ALK: variants seen among roughly 807,000 people sequenced by gnomAD.
ALK encodes ALK tyrosine kinase receptor.
In ALK, 74 loss-of-function variants were observed where a neutral mutation model predicts 163.1. The ratio of observed to expected loss-of-function variants is 0.45; its 90% CI spans 0.38 to 0.55. The LOEUF (loss-of-function observed/expected upper bound fraction) is 0.55. Among genes scored for constraint, ALK ranks in the 20% least tolerant of loss-of-function variants. The pLI is 0.00. For synonymous variants in ALK, 960 were observed against 843.2 expected (o/e 1.14, Z -2.40); for missense variants, 2,063 against 2,105.3 (o/e 0.98, Z 0.39).
intron 11 of ALK, among the ~76,000 whole-genome samples, chr2:29,267,603 C>A (rs1170348314): frequency 6.6e-6 from 1 of 152,156 alleles, no homozygotes; most frequent in Non-Finnish European, 1.5e-5. Context: ...AAGGCAATTC[C>A]ACCTCTTGTT....
intron 4 of ALK, among the ~76,000 whole-genome samples, chr2:29,512,070 AT>A (rs1417206044): frequency 2.0e-5 from 3 of 152,118 alleles, no homozygotes; most frequent in Non-Finnish European, 4.4e-5. Context: ...ATAAATTCCT[AT>A]TGATCAATAT....
chr2:29,269,643 T>A (rs1265349472), intron 11 of ALK, among the ~76,000 whole-genome samples: 2 of 152,116 alleles, frequency 1.3e-5, no homozygotes, highest in African/African-American at 4.8e-5. Flanking sequence ...TTGCTATAAA[T>A]AGGTGATAAT....
At chr2:29,260,652 C>T (rs879438775) in intron 11 of ALK, among the ~76,000 whole-genome samples, 18 of 151,804 alleles carry the variant, frequency 1.2e-4, no homozygotes, top group South Asian at 4.2e-4. Context: ...GACTGGCCAA[C>T]GTGGTAAAAC....
chr2:29,721,323 C>G (rs567554060), intron 1 of ALK, among the ~76,000 whole-genome samples: 6 of 152,208 alleles, frequency 3.9e-5, no homozygotes, highest in Non-Finnish European at 7.4e-5. Flanking sequence ...TTACAATTAT[C>G]CTGGAGCAGG....
chr2:29,203,909 G>A (rs1669249786), intron 26 of ALK, among the ~76,000 whole-genome samples: 1 of 151,880 alleles, frequency 6.6e-6, no homozygotes, highest in African/African-American at 2.4e-5. Context: ...CATTTCCTCT[G>A]TTCCTTCTCT....
Position 29,241,367 on chromosome 2 carries a change from T to A in ALK, c.2205-1537A>T, listed in dbSNP as rs372878659. The stretch of plus-strand genomic sequence containing the variant: ...AGCCCCTTTCCTAGTAAGAGAAGAA[T>A]CATTTTCATTCCAAACAACATGATA... On this transcript the variant is annotated intron_variant, in intron 12 of 28. Coordinates refer to ENST00000389048, the MANE Select transcript of ALK (RefSeq NM_004304.5). Among the ~76,000 whole-genome samples the A allele has an allele frequency of 3.9e-5, 6 of 152,158 alleles. 1 individual carries two copies. Among genetic ancestry groups the A allele is most frequent in the African/African-American group, 1.4e-4 (6 of 41,518 alleles).
chr2:29,863,029 T>TAAA (rs1666335712), intron 1 of ALK, among the ~76,000 whole-genome samples: 1 of 152,116 alleles, frequency 6.6e-6, no homozygotes. Flanking sequence ...ATAGTCTGTC[T>TAAA]AAGAAAGAGC....
chr2:29,786,037 G>A (rs910734949), intron 1 of ALK, among the ~76,000 whole-genome samples: 3 of 151,576 alleles, frequency 2.0e-5, no homozygotes, highest in African/African-American at 7.3e-5. Context: ...AAAAGTTTTC[G>A]CCATTGTCAT....
In ALK at chr2:29,906,937, G is replaced by GTTTTTT. The variant is rs70962250; in HGVS notation, c.667+13050_667+13055dup. Among the ~76,000 whole-genome samples the GTTTTTT allele has an allele frequency of 4.2e-4, 34 of 80,040 alleles. 2 individuals carry two copies. The highest frequency in any genetic ancestry group is 1.5e-3 in the African/African-American group (34 of 21,998). The allele number at this position is 80,040 out of a possible 152,430, so 52.5% of individuals were successfully genotyped here. On this transcript the variant is annotated intron_variant, in intron 1 of 28. Transcript: ENST00000389048. Reference sequence around the variant, plus strand: ...CCAGAAATATACATATACATTTAAGGTTTTTTTTTTTTTTTTTTTTTTTTT... The same window carrying GTTTTTT: ...CCAGAAATATACATATACATTTAAGGTTTTTTTTTTTTTTTTTTTTTTTTTTTTTTT...
intron 4 of ALK, among the ~76,000 whole-genome samples, chr2:29,483,891 T>TTTATAAAACCTG (rs1327574942): frequency 3.3e-5 from 5 of 152,166 alleles, no homozygotes; most frequent in Non-Finnish European, 5.9e-5. Flanking sequence ...GACTGGGTAA[T>TTTATAAAACCTG]TTATAAAGAA....
At chr2:29,327,756 T>C (rs1300231676) in intron 6 of ALK, among the ~76,000 whole-genome samples, 2 of 152,176 alleles carry the variant, frequency 1.3e-5, no homozygotes, top group African/African-American at 2.4e-5. Context: ...AATGATGATA[T>C]TTGGATGGAT....
chr2:29,356,851 G>A lies in ALK; in HGVS notation c.1282+26881C>T, dbSNP rs544994850. On this transcript the variant is annotated intron_variant, in intron 5 of 28. Coordinates refer to ENST00000389048, the MANE Select transcript of ALK (RefSeq NM_004304.5). ...CTTGGACAGAGAAGGAGACACCTGA[G>A]TTCAGCCAGGGTTAAAGAATTCTCC... Among the ~76,000 whole-genome samples, 16 of 152,324 alleles carry A rather than the reference G, an allele frequency of 1.1e-4. No individual in the cohort carries two copies. The South Asian group carries it at 3.3e-3, about 32-fold the overall frequency.
chr2:29,543,415 G>C (rs908126892), intron 3 of ALK, among the ~76,000 whole-genome samples: 4 of 152,170 alleles, frequency 2.6e-5, no homozygotes, highest in African/African-American at 9.7e-5. Context: ...ACAGTTTCAG[G>C]AGCAAGCCAT....
chr2:29,738,586 C>T (rs187732663), intron 1 of ALK, among the ~76,000 whole-genome samples: 3 of 152,002 alleles, frequency 2.0e-5, no homozygotes, highest in Admixed American at 1.3e-4. Context: ...AAATATGAGA[C>T]GTGTTTTGAA....
chr2:29,717,914 G>A (rs1679310404), intron 1 of ALK, among the ~76,000 whole-genome samples: 1 of 152,216 alleles, frequency 6.6e-6, no homozygotes, highest in Admixed American at 6.5e-5. Context: ...AGGTCTGAAT[G>A]TTCTGACCAA....
chr2:29,900,888 C>T (rs899077691), intron 1 of ALK, among the ~76,000 whole-genome samples: 6 of 152,012 alleles, frequency 3.9e-5, no homozygotes, highest in East Asian at 1.9e-4. Flanking sequence ...GAGTGACAGA[C>T]GAGGAGTAGA....
intron 4 of ALK, among the ~76,000 whole-genome samples, chr2:29,473,031 G>A (rs183360083): frequency 9.2e-4 from 140 of 152,318 alleles, no homozygotes; most frequent in African/African-American, 3.1e-3. Flanking sequence ...TAAAATACAC[G>A]TAGAAATGCA....
At chr2:29,517,440 C>T (rs1162097981) in intron 4 of ALK, among the ~76,000 whole-genome samples, 1 of 152,164 alleles carries the variant, frequency 6.6e-6, no homozygotes, top group African/African-American at 2.4e-5. Context: ...TAAGAGCTTT[C>T]ATCCACATTA....
At chr2:29,644,563 T>C (rs1191190392) in intron 3 of ALK, among the ~76,000 whole-genome samples, 3 of 76,582 alleles carry the variant, frequency 3.9e-5, no homozygotes, top group Non-Finnish European at 8.3e-5. Flanking sequence ...CTTTTCAAAT[T>C]AAGGTTTTTT....
Sources: gnomAD v4.1 joint callset for allele counts (sites outside exome capture counted in the v4.1 genomes callset) on GRCh38, gnomAD v4.1.1 for gene constraint, MANE v1.5 for transcripts, NCBI Gene and HGNC (gene_info 2026-07-23, HGNC 2026-07-21) for gene names.